Variants in MYPN observed in about 807,000 individuals in gnomAD.
MYPN encodes myopalladin, also known as sarcomeric protein myopalladin, 145 kDa (MYOP).
Under a neutral mutation model 129.4 loss-of-function variants are expected in MYPN, and 63 were observed. The observed-to-expected ratio is 0.49, with a 90% confidence interval of 0.40 to 0.60. The LOEUF (loss-of-function observed/expected upper bound fraction) is 0.60. Among genes scored for constraint, MYPN ranks in the 20% least tolerant of loss-of-function variants. The pLI, the probability that MYPN is intolerant of heterozygous loss-of-function variation, is 0.00. For synonymous variants in MYPN, 629 were observed against 600.9 expected (o/e 1.05, Z -0.68); for missense variants, 1,596 against 1,635.4 (o/e 0.98, Z 0.42).
chr10:68,131,388 C>CAA (rs1356877581), intron 2 of MYPN, among the ~76,000 whole-genome samples: 2 of 112,864 alleles, frequency 1.8e-5, no homozygotes, highest in Non-Finnish European at 1.9e-5. Flanking sequence ...GACTGTGTCT[C>CAA]AAAAAAAAAA....
In MYPN at chr10:68,122,264, C is replaced by T. The variant is rs745678026; in HGVS notation, c.826C>T (p.Arg276Trp). The change falls in exon 2 of 20, where the codon CGG becomes TGG. Residue 276 changes from arginine (R) to tryptophan (W), a missense_variant. Physicochemically the swap from Arg to Trp is moderately radical, Grantham distance 101. Coordinates refer to ENST00000358913, the MANE Select transcript of MYPN (RefSeq NM_032578.4). ...ACCTCCCCGGTTCACTCAAAAGTTA[C>T]GGAGCAGAGAAGTTCCAGAAGGAAC... ...GQPPRFTQKL[R>W]SREVPEGTRV... The T allele has an allele frequency of 7.4e-6, 12 of 1,613,522 alleles. 1 individual carries two copies. Among genetic ancestry groups the T allele is most frequent in the Admixed American group, 1.7e-5 (1 of 59,948 alleles).
At chr10:68,098,833 G>T (rs753849399) in intron 1 of MYPN, among the ~76,000 whole-genome samples, 1 of 151,638 alleles carries the variant, frequency 6.6e-6, no homozygotes, top group Non-Finnish European at 1.5e-5. Context: ...ACAAGAGCAA[G>T]ACTCTGTCTC....
Position 68,189,028 on chromosome 10 carries a change from A to G in MYPN, c.2827A>G (p.Ile943Val). 6.2e-7 allele frequency: 1 copy of G among 1,614,160 alleles called. No individual in the cohort carries two copies. Among genetic ancestry groups the G allele is most frequent in the Non-Finnish European group, 8.5e-7 (1 of 1,180,022 alleles). ...TGATGAGATCCCCACGGGCAAGTGT[A>G]TTGCTCCCATCTTTGACAAGAGACT... ...QHDEIPTGKC[I>V]APIFDKRLKH... is the part of the protein sequence containing the mutation. The change falls in exon 13 of 20, where the codon ATT becomes GTT. Residue 943 changes from isoleucine to valine, a missense_variant. Physicochemically the swap from Ile to Val is conservative, Grantham distance 29. Transcript: ENST00000358913.
In MYPN at chr10:68,210,626, G is replaced by C. The variant is rs1162873449; in HGVS notation, c.*171G>C. The C allele has an allele frequency of 1.3e-6, 1 of 761,436 alleles. No individual in the cohort carries two copies. The highest frequency in any genetic ancestry group is 2.0e-5 in the Admixed American group (1 of 50,624). 47.2% of individuals were successfully genotyped at this position (761,436 alleles called of 1,614,324 possible). A position where few individuals can be genotyped will look rare whatever the true frequency, so the allele number is the denominator to read the frequency against. On this transcript the variant is annotated 3_prime_UTR_variant, in exon 20 of 20. Transcript: ENST00000358913. ...TAGGGATTCTTGCAGTCTCAGCTGAGGGAGAAAGGTAGGGCTGTGCCTTCT... is the reference window on the plus strand; with the variant it reads ...TAGGGATTCTTGCAGTCTCAGCTGACGGAGAAAGGTAGGGCTGTGCCTTCT...
At chr10:68,123,015 A>C (rs529682919) in intron 2 of MYPN, among the ~76,000 whole-genome samples, 30 of 152,136 alleles carry the variant, frequency 2.0e-4, no homozygotes, top group African/African-American at 7.0e-4. Flanking sequence ...AGGGATTTGA[A>C]ACTCGGCGTG....
At position 68,211,498 on chromosome 10, in the gene MYPN, T is replaced by C. The variant is rs902717378; in HGVS notation, c.*1043T>C. 2 of 453,902 alleles carry C rather than the reference T, an allele frequency of 4.4e-6. No homozygotes were observed. Among genetic ancestry groups the C allele is most frequent in the African/African-American group, 4.0e-5 (2 of 49,976 alleles). The allele number at this position is 453,902 out of a possible 1,614,324, so 28.1% of individuals were successfully genotyped here. ...TAGCTTTGAAATGCTTTGAGATCATTGGTCAAATTGCATTTTCTATGTAGA... is the reference window on the plus strand; with the variant it reads ...TAGCTTTGAAATGCTTTGAGATCATCGGTCAAATTGCATTTTCTATGTAGA... On this transcript the variant is annotated 3_prime_UTR_variant, in exon 20 of 20. Coordinates refer to ENST00000358913, the MANE Select transcript of MYPN (RefSeq NM_032578.4).
chr10:68,184,554 G>A (rs575002331), intron 12 of MYPN, among the ~76,000 whole-genome samples: 3 of 152,218 alleles, frequency 2.0e-5, no homozygotes, highest in East Asian at 1.9e-4. Context: ...TCAGACTCCC[G>A]AGTAGCTGGA....
rs748574829 is a variant in MYPN, at chr10:68,121,763, C to T, written c.325C>T (p.Pro109Ser). The stretch of plus-strand genomic sequence containing the variant: ...TTCTCCTGATCAGATGAAACACTCA[C>T]CTAATTTAAGTTTTGAGCCTAACTT... ...RLSPDQMKHS[P>S]NLSFEPNFCQ... Residue 109 changes from proline to serine, a missense_variant, in exon 2 of 20, where the codon CCT becomes TCT. Transcript: ENST00000358913. The T allele has an allele frequency of 4.3e-6, 7 of 1,614,224 alleles. No individual in the cohort carries two copies. Among genetic ancestry groups the T allele is most frequent in the South Asian group, 1.1e-5 (1 of 91,082 alleles).
chr10:68,162,808 T>G (rs1476631185), intron 8 of MYPN, among the ~76,000 whole-genome samples: 1 of 152,052 alleles, frequency 6.6e-6, no homozygotes, highest in African/African-American at 2.4e-5. Context: ...TTTACAAAAA[T>G]TAGCCAGGAT....
At chr10:68,165,494 A>C (rs1254530196) in intron 8 of MYPN, 1 of 658,006 alleles carries the variant, frequency 1.5e-6, no homozygotes, top group East Asian at 3.0e-5. Flanking sequence ...GCCTGTCTGC[A>C]TGGAGTTATT....
At chr10:68,192,188 T>G (rs939432633) in intron 13 of MYPN, among the ~76,000 whole-genome samples, 1 of 152,192 alleles carries the variant, frequency 6.6e-6, no homozygotes, top group Non-Finnish European at 1.5e-5. Context: ...CTCAATTTGT[T>G]GAGGGTTTTT....
intron 13 of MYPN, among the ~76,000 whole-genome samples, chr10:68,192,291 G>A (rs919892307): frequency 6.6e-6 from 1 of 152,184 alleles, no homozygotes; most frequent in African/African-American, 2.4e-5. Flanking sequence ...TTTATGGGAT[G>A]TGTCATGTGT....
intron 3 of MYPN, among the ~76,000 whole-genome samples, chr10:68,144,125 G>A (rs1448252288): frequency 1.3e-5 from 2 of 152,116 alleles, no homozygotes; most frequent in African/African-American, 4.8e-5. Context: ...AGATGCATGG[G>A]TACCATCTGG....
intron 16 of MYPN, among the ~76,000 whole-genome samples, chr10:68,198,417 T>A (rs1389787195): frequency 2.6e-5 from 4 of 152,190 alleles, no homozygotes; most frequent in African/African-American, 9.7e-5. Flanking sequence ...TCTCTCAGAA[T>A]GAAGAGAAGC....
At position 68,175,304 on chromosome 10, in the gene MYPN, G is replaced by A. The variant is rs1402408003; in HGVS notation, c.2565-19G>A. ...CCAGTGCTTTTCATGGGTGTGTCAGGTGTGGATTTATCTTACAGGCCATCC... is the reference window on the plus strand; with the variant it reads ...CCAGTGCTTTTCATGGGTGTGTCAGATGTGGATTTATCTTACAGGCCATCC... On this transcript the variant is annotated intron_variant, in intron 11 of 19. Transcript: ENST00000358913. The A allele has an allele frequency of 6.2e-7, 1 of 1,613,828 alleles. No homozygotes were observed.
At chr10:68,105,791 A>G (rs1053084893), upstream of MYPN, among the ~76,000 whole-genome samples, 3 of 152,230 alleles carry the variant, frequency 2.0e-5, no homozygotes, top group African/African-American at 7.2e-5. Flanking sequence ...AAAGATATTT[A>G]TACATGTAAT....
In MYPN at chr10:68,175,535, G is replaced by A. The variant is rs571037424; in HGVS notation, c.2703+74G>A. ...TTTAATTTTGCTTGATTCAGTCCTC[G>A]GATACTCAGGTAACCTCAGTGAGGC... is the stretch of plus-strand genomic sequence containing the variant. On this transcript the variant is annotated intron_variant, in intron 12 of 19. Coordinates refer to ENST00000358913, the MANE Select transcript of MYPN (RefSeq NM_032578.4). The A allele has an allele frequency of 4.5e-4, 692 of 1,525,776 alleles. 1 individual carries two copies. The highest frequency in any genetic ancestry group is 2.0e-3 in the Middle Eastern group (12 of 5,880). The allele number at this position is 1,525,776 out of a possible 1,614,324, so 94.5% of individuals were successfully genotyped here.
chr10:68,178,711 T>C (rs1274242738), intron 12 of MYPN, among the ~76,000 whole-genome samples: 1 of 36,136 alleles, frequency 2.8e-5, no homozygotes, highest in African/African-American at 6.6e-5. Flanking sequence ...AGACTCTGCC[T>C]CAAAAAAAAA....
intron 2 of MYPN, among the ~76,000 whole-genome samples, chr10:68,131,648 G>A (rs1367115709): frequency 1.3e-5 from 2 of 152,046 alleles, no homozygotes; most frequent in African/African-American, 4.8e-5. Flanking sequence ...TGAGTAGCAG[G>A]GACTACAGGT....
Sources: allele counts gnomAD v4.1 joint callset (sites outside exome capture counted in the v4.1 genomes callset), GRCh38; gene constraint gnomAD v4.1.1; transcripts MANE v1.5; gene names NCBI Gene and HGNC (gene_info 2026-07-23, HGNC 2026-07-21).